TRAF3: variants seen among roughly 807,000 people sequenced by gnomAD.
TRAF3 encodes the protein TNF receptor associated factor 3.
TRAF3 carries 13 observed loss-of-function variants against 62.3 expected under a neutral mutation model. That is an observed-to-expected ratio of 0.21 (90% CI 0.14 to 0.33). The LOEUF is 0.33. TRAF3 is among the 10% of genes least tolerant of loss of function. TRAF3 has a pLI of 1.00. For missense variants in TRAF3, 440 were observed against 741.8 expected, an observed-to-expected ratio of 0.59 and a Z score of 4.73; for synonymous variants, 269 against 283.4, an observed-to-expected ratio of 0.95 and a Z score of 0.51.
chr14:102,901,414 C>T (rs1890293418), intron 10 of TRAF3, among the ~76,000 whole-genome samples: 1 of 152,214 alleles, frequency 6.6e-6, no homozygotes, highest in Non-Finnish European at 1.5e-5. Flanking sequence ...TAACTTTCCC[C>T]TGCCACTCGC....
At chr14:102,833,094 G>A (rs751728441) in intron 2 of TRAF3, among the ~76,000 whole-genome samples, 22 of 152,126 alleles carry the variant, frequency 1.4e-4, no homozygotes, top group Non-Finnish European at 3.2e-4. Flanking sequence ...TCACACACAT[G>A]CACACCCTGC....
At chr14:102,820,118 C>A (rs1411364446) in intron 1 of TRAF3, among the ~76,000 whole-genome samples, 1 of 152,178 alleles carries the variant, frequency 6.6e-6, no homozygotes, top group African/African-American at 2.4e-5. Flanking sequence ...CCTGTCATCT[C>A]CCCCTTTCCT....
chr14:102,886,940 A>G (rs1889426803), intron 7 of TRAF3, among the ~76,000 whole-genome samples: 1 of 152,108 alleles, frequency 6.6e-6, no homozygotes, highest in South Asian at 2.1e-4. Context: ...TAACTTAGAG[A>G]CACTTCAGAA....
chr14:102,902,952 C>T (rs891888207), intron 10 of TRAF3: 19 of 431,340 alleles, frequency 4.4e-5, no homozygotes, highest in Admixed American at 4.2e-4. Context: ...CCACCTGTCA[C>T]TTTGCTTTCC....
rs1440495241 is a variant in TRAF3, at chr14:102,876,483, A to G, written c.528A>G (p.Thr176=). The G allele has an allele frequency of 7.4e-6, 12 of 1,614,204 alleles. No homozygotes were observed. The highest frequency in any genetic ancestry group is 1.0e-5 in the Non-Finnish European group (12 of 1,180,022). ...VEKACKYREA[T]CSHCKSQVPM... is the part of the protein sequence containing the mutation. ...AGGCGTGTAAATACCGGGAAGCCAC[A>G]TGCAGCCACTGCAAGAGTCAGGTTC... is the stretch of plus-strand genomic sequence containing the variant. The change falls in exon 6 of 12, where the codon ACA becomes ACG. Residue 176 remains threonine, a synonymous_variant. Coordinates refer to ENST00000392745, the MANE Select transcript of TRAF3 (RefSeq NM_145725.3).
In TRAF3 at chr14:102,911,336, G is replaced by T. The variant is rs1394350208; in HGVS notation, c.*5552G>T. On this transcript the variant is annotated 3_prime_UTR_variant, in exon 12 of 12. Coordinates refer to ENST00000392745, the MANE Select transcript of TRAF3 (RefSeq NM_145725.3). ...TTACTGTTTTCTAGTTTTGTTTATT[G>T]TATATTATGTGTGGTTTTATTTGGT... The T allele has an allele frequency of 6.6e-6, 1 of 152,160 alleles. No homozygotes were observed. Among genetic ancestry groups the T allele is most frequent in the Non-Finnish European group, 1.5e-5 (1 of 68,028 alleles). 9.4% of individuals were successfully genotyped at this position (152,160 alleles called of 1,614,324 possible). A position where few individuals can be genotyped will look rare whatever the true frequency, so the allele number is the denominator to read the frequency against.
At chr14:102,861,064 A>C (rs1358989641) in intron 2 of TRAF3, among the ~76,000 whole-genome samples, 1 of 152,234 alleles carries the variant, frequency 6.6e-6, no homozygotes, top group Non-Finnish European at 1.5e-5. Flanking sequence ...GGAATGCAAG[A>C]AGCTCAGGGA....
chr14:102,886,570 A>G (rs1489761034), intron 7 of TRAF3, among the ~76,000 whole-genome samples: 3 of 152,066 alleles, frequency 2.0e-5, no homozygotes, highest in Non-Finnish European at 4.4e-5. Flanking sequence ...AGACTGGCCA[A>G]TGTGCTGAAA....
At chr14:102,872,891 C>T (rs948759570) in intron 4 of TRAF3, among the ~76,000 whole-genome samples, 2 of 151,858 alleles carry the variant, frequency 1.3e-5, no homozygotes, top group African/African-American at 4.8e-5. Context: ...GGGGTTTCAC[C>T]GTGTTGGTTA....
intron 1 of TRAF3, among the ~76,000 whole-genome samples, chr14:102,785,432 A>T (rs1007450201): frequency 6.6e-5 from 10 of 152,080 alleles, no homozygotes; most frequent in Non-Finnish European, 1.5e-4. Context: ...TTTCTCTCTT[A>T]ATTTACATTT....
chr14:102,837,150 TG>T (rs35123618), intron 2 of TRAF3, among the ~76,000 whole-genome samples: 4 of 142,896 alleles, frequency 2.8e-5, no homozygotes, highest in South Asian at 2.3e-4. Context: ...GTGTTTTTTT[TG>T]GGGGGGGGTG....
intron 10 of TRAF3, among the ~76,000 whole-genome samples, chr14:102,898,647 C>CA (rs1890122222): frequency 6.6e-6 from 1 of 152,252 alleles, no homozygotes; most frequent in African/African-American, 2.4e-5. Flanking sequence ...GAAGAATGCA[C>CA]AAGTACTGGA....
intron 1 of TRAF3, among the ~76,000 whole-genome samples, chr14:102,800,695 CTT>C (rs369818329): frequency 3.8e-5 from 5 of 133,166 alleles, no homozygotes; most frequent in Admixed American, 7.6e-5. Context: ...TGTTCTTTTC[CTT>C]TTTTTTTTTT....
intron 2 of TRAF3, among the ~76,000 whole-genome samples, chr14:102,846,161 G>A (rs1260663502): frequency 2.6e-5 from 4 of 152,098 alleles, no homozygotes; most frequent in Non-Finnish European, 5.9e-5. Context: ...GTATAAGCTA[G>A]CAATCATACT....
chr14:102,903,409 G>T lies in TRAF3; in HGVS notation c.1115G>T (p.Gly372Val), dbSNP rs768028885. The change falls in exon 11 of 12, where the codon GGG (glycine) becomes GTG (valine). Residue 372 changes from glycine (G) to valine (V), a missense_variant. Physicochemically the swap from Gly to Val is moderately radical, Grantham distance 109. This residue lies in a region of TRAF3 where 41 missense variants were observed against 40.0 expected (regional missense o/e 1.03). Transcript: ENST00000392745. The surrounding 1 kb of genome is among the most constrained non-coding windows in gnomAD (Gnocchi z 6.4). ...TELESVDKSA[G>V]QVARNTGLLE... ...CTGGAGAGCGTGGACAAGAGCGCGGGGCAAGTGGCTCGGAACACAGGTGAG... is the reference window on the plus strand; with the variant it reads ...CTGGAGAGCGTGGACAAGAGCGCGGTGCAAGTGGCTCGGAACACAGGTGAG... 1.2e-6 allele frequency: 2 copies of T among 1,614,072 alleles called. No homozygotes were observed. The highest frequency in any genetic ancestry group is 1.7e-6 in the Non-Finnish European group (2 of 1,180,016).
intron 1 of TRAF3, among the ~76,000 whole-genome samples, chr14:102,792,424 G>T (rs1444891327): frequency 7.1e-6 from 1 of 141,518 alleles, no homozygotes; most frequent in Non-Finnish European, 1.5e-5. Flanking sequence ...AATATGCCCA[G>T]TTAATTGATT....
chr14:102,866,831 C>T (rs957581122), intron 2 of TRAF3, among the ~76,000 whole-genome samples: 3 of 140,724 alleles, frequency 2.1e-5, no homozygotes, highest in Non-Finnish European at 4.6e-5. Context: ...GGCAACAGAA[C>T]GAGACTCCAT....
At chr14:102,845,110 A>G (rs1448030923) in intron 2 of TRAF3, among the ~76,000 whole-genome samples, 1 of 151,588 alleles carries the variant, frequency 6.6e-6, no homozygotes, top group Non-Finnish European at 1.5e-5. Flanking sequence ...GTTAACTAGG[A>G]TGGACTTAAT....
intron 1 of TRAF3, among the ~76,000 whole-genome samples, chr14:102,799,582 C>G (rs907913948): frequency 5.9e-5 from 9 of 152,162 alleles, no homozygotes; most frequent in African/African-American, 2.2e-4. Context: ...TCCTGTGTAG[C>G]TGGGACTACA....
Sources: allele counts gnomAD v4.1 joint callset (sites outside exome capture counted in the v4.1 genomes callset), GRCh38; gene constraint gnomAD v4.1.1; regional missense constraint gnomAD v4.1.1; non-coding constraint Gnocchi (gnomAD v3.1); transcripts MANE v1.5; gene names NCBI Gene and HGNC (gene_info 2026-07-23, HGNC 2026-07-21).